The following PPRC1 variants were observed in gnomAD, a reference collection of about 807,000 sequenced individuals.
PPRC1 encodes the protein peroxisome proliferator-activated receptor gamma coactivator-related protein 1.
PPRC1 carries 23 observed loss-of-function variants against 132.5 expected under a neutral mutation model. The observed-to-expected ratio is 0.17, with a 90% CI of 0.12 to 0.25. PPRC1 has a LOEUF of 0.25. Among genes scored for constraint, PPRC1 ranks in the 10% least tolerant of loss-of-function variants. The probability of loss-of-function intolerance (pLI) is 1.00; values close to 1 mark genes in which losing one functional copy is unlikely to be tolerated. For missense variants in PPRC1, 2,006 were observed against 2,089.1 expected, an observed-to-expected ratio of 0.96 and a Z score of 0.78; for synonymous variants, 872 against 833.5, an observed-to-expected ratio of 1.05 and a Z score of -0.80.
At chr10:102,137,313 G>A (rs1163505470) in intron 1 of PPRC1, among the ~76,000 whole-genome samples, 2 of 152,322 alleles carry the variant, frequency 1.3e-5, no homozygotes, top group East Asian at 3.9e-4. Context: ...GGGGTGGGGT[G>A]TGATTACCAG....
At position 102,140,711 on chromosome 10, in the gene PPRC1, A is replaced by T. The variant is rs767151754; in HGVS notation, c.2203A>T (p.Ile735Phe). The change falls in exon 5 of 14, where the codon ATT becomes TTT. Residue 735 changes from isoleucine to phenylalanine, a missense_variant. Physicochemically the swap from Ile to Phe is conservative, Grantham distance 21 (BLOSUM62 0). Around this residue, in one of 2 missense-constraint regions of PPRC1, gnomAD observed 1,914 missense variants for 1,917.2 expected, o/e 1.00. Transcript: ENST00000278070. ...EVKEVVDSLKIESGTSATTHE... is the reference protein window; with the variant it reads ...EVKEVVDSLKFESGTSATTHE... The stretch of plus-strand genomic sequence containing the variant: ...CAAAGAGGTTGTGGATTCTCTGAAA[A>T]TTGAAAGTGGTACCAGTGCTACAAC... 6.4e-5 allele frequency: 104 copies of T among 1,613,914 alleles called. No individual in the cohort carries two copies. The highest frequency in any genetic ancestry group is 8.4e-5 in the Non-Finnish European group (99 of 1,180,004).
Position 102,148,520 on chromosome 10 carries a change from C to T in PPRC1, c.4549C>T (p.Arg1517Trp), listed in dbSNP as rs776378929. ...SPRRRSDRRR[R>W]YSSYRSHDHY... The stretch of plus-strand genomic sequence containing the variant: ...CCGCCGGAGAAGTGACAGGAGGCGG[C>T]GGTGAGCATGTGTTCAGGGAGCGCC... The change falls in exon 10 of 14, where the codon CGG becomes TGG. Residue 1517 changes from arginine (R) to tryptophan (W), a missense_variant and splice_region_variant. Arg to Trp is a moderately radical substitution (Grantham distance 101). This residue lies in a region of PPRC1 where 1,914 missense variants were observed against 1,917.2 expected (regional missense o/e 1.00). Coordinates refer to ENST00000278070, the MANE Select transcript of PPRC1 (RefSeq NM_015062.5). This position sits in a 1 kb window ranked among gnomAD's most constrained non-coding sequence, Gnocchi z 4.2. 1.2e-5 allele frequency: 20 copies of T among 1,612,962 alleles called. No individual in the cohort carries two copies. The highest frequency in any genetic ancestry group is 1.4e-5 in the Non-Finnish European group (17 of 1,179,032).
intron 6 of PPRC1, 65 bp from the exon 7 acceptor site, chr10:102,144,185 C>T (rs2069119466): frequency 1.5e-5 from 22 of 1,516,696 alleles, no homozygotes; most frequent in Non-Finnish European, 2.0e-5. Context: ...TCAAAGCAAG[C>T]CCTTCTGTGC....
At chr10:102,135,775 T>C (rs772362809) in intron 1 of PPRC1, among the ~76,000 whole-genome samples, 2 of 152,202 alleles carry the variant, frequency 1.3e-5, no homozygotes, top group African/African-American at 4.8e-5. Context: ...CAGATACATA[T>C]TTAAAAAGTT....
At position 102,148,672 on chromosome 10, in the gene PPRC1, T is replaced by A. The variant is rs762282128; in HGVS notation, c.4595T>A (p.Val1532Glu). ...RSHDHYQRQR[V>E]LQKERAIEER... ...CATGACCATTACCAAAGGCAAAGAGTGCTACAAAAGGAGCGTGCAATAGTG... is the reference window on the plus strand; with the variant it reads ...CATGACCATTACCAAAGGCAAAGAGAGCTACAAAAGGAGCGTGCAATAGTG... The change falls in exon 11 of 14, where the codon GTG (valine) becomes GAG (glutamate). Residue 1532 changes from valine (V) to glutamate (E), a missense_variant. Val to Glu is a moderately radical substitution (Grantham distance 121). Coordinates refer to ENST00000278070, the MANE Select transcript of PPRC1 (RefSeq NM_015062.5). The surrounding 1 kb of genome is among the most constrained non-coding windows in gnomAD (Gnocchi z 4.2). The A allele has an allele frequency of 1.2e-6, 2 of 1,614,050 alleles. No homozygotes were observed. The highest frequency in any genetic ancestry group is 1.7e-6 in the Non-Finnish European group (2 of 1,180,020).
chr10:102,143,160 C>T, intron 6 of PPRC1, 62 bp downstream of exon 6: 1 of 1,506,046 alleles, frequency 6.6e-7, no homozygotes, highest in African/African-American at 1.4e-5. Flanking sequence ...TTGGGCCCAG[C>T]CCTGTAGTTG....
rs753406808 is a variant in PPRC1, at chr10:102,141,327, C to A, written c.2819C>A (p.Pro940Gln). Residue 940 changes from proline to glutamine, a missense_variant, in exon 5 of 14, where the codon CCA becomes CAA. Transcript: ENST00000278070. ...SPSGYPCLPP[P>Q]PTVPLVSGTP... The stretch of plus-strand genomic sequence containing the variant: ...TCTGGCTATCCTTGCCTGCCCCCCC[C>A]ACCAACGGTGCCCCTAGTGTCTGGT... 1.3e-5 allele frequency: 21 copies of A among 1,613,974 alleles called. No homozygotes were observed. Among genetic ancestry groups the A allele is most frequent in the African/African-American group, 4.0e-5 (3 of 74,928 alleles).
Position 102,140,473 on chromosome 10 carries a change from A to G in PPRC1, c.1965A>G (p.Pro655=). 6.2e-7 allele frequency: 1 copy of G among 1,614,136 alleles called. No homozygotes were observed. Among genetic ancestry groups the G allele is most frequent in the Non-Finnish European group, 8.5e-7 (1 of 1,180,012 alleles). The change falls in exon 5 of 14, where the codon CCA becomes CCG. Residue 655 remains proline, a synonymous_variant. Transcript: ENST00000278070. ...AVVPISDNLP[P]VDAVPSGPAP... ...TTCCCATCTCAGATAACTTGCCACCAGTTGATGCTGTCCCGTCTGGCCCAG... is the reference window on the plus strand; with the variant it reads ...TTCCCATCTCAGATAACTTGCCACCGGTTGATGCTGTCCCGTCTGGCCCAG...
chr10:102,140,464 C>T lies in PPRC1; in HGVS notation c.1956C>T (p.Asn652=), dbSNP rs772294323. The change falls in exon 5 of 14, where the codon AAC becomes AAT. Residue 652 remains asparagine (N), a synonymous_variant. Transcript: ENST00000278070. ...CTGCAGTGGTTCCCATCTCAGATAA[C>T]TTGCCACCAGTTGATGCTGTCCCGT... is the stretch of plus-strand genomic sequence containing the variant. ...VDPAVVPISD[N]LPPVDAVPSG... 3 of 1,614,070 alleles carry T rather than the reference C, an allele frequency of 1.9e-6. No homozygotes were observed. The highest frequency in any genetic ancestry group is 1.1e-5 in the South Asian group (1 of 91,090).
In PPRC1 at chr10:102,147,176, C is replaced by A. The variant is rs547220654; in HGVS notation, c.4184C>A (p.Pro1395His). 4.3e-6 allele frequency: 7 copies of A among 1,614,140 alleles called. No individual in the cohort carries two copies. The South Asian group carries it at 6.6e-5, about 15-fold the overall frequency. Reference sequence around the variant, plus strand: ...ATGAACACTAGGACTCCCCCTGAACCCTCAGCCAAGCAGCGGTCAATGCGC... The same window carrying A: ...ATGAACACTAGGACTCCCCCTGAACACTCAGCCAAGCAGCGGTCAATGCGC... ...NDMNTRTPPE[P>H]SAKQRSMRCY... The change falls in exon 9 of 14, where the codon CCC becomes CAC. Residue 1395 changes from proline (P) to histidine (H), a missense_variant. By Grantham distance (77) the Pro-to-His change is moderately conservative. Around this residue, in one of 2 missense-constraint regions of PPRC1, gnomAD observed 1,914 missense variants for 1,917.2 expected, o/e 1.00. Transcript: ENST00000278070.
At chr10:102,121,180 C>T in the PPRC1 span, among the ~76,000 whole-genome samples, 3 of 152,124 alleles carry the variant, frequency 2.0e-5, no homozygotes, top group South Asian at 6.2e-4. Flanking sequence ...GATTGGATTA[C>T]GGAGGGGCGA....
chr10:102,120,459 G>A, the PPRC1 span: 2 of 923,566 alleles, frequency 2.2e-6, no homozygotes, highest in East Asian at 1.2e-4. Context: ...CCTCGCGCTC[G>A]CGCTCCCTCG....
At chr10:102,144,914 C>A in intron 7 of PPRC1, 106 bp from the exon 8 acceptor site, 1 of 909,336 alleles carries the variant, frequency 1.1e-6, no homozygotes, top group Non-Finnish European at 1.7e-6. Flanking sequence ...TTTGTGCATC[C>A]CATTCTTCTC....
rs200060696 is a variant in PPRC1 at position 102,141,845 on chromosome 10, C to G, written c.3337C>G (p.Pro1113Ala). 19 of 1,614,016 alleles carry G rather than the reference C, an allele frequency of 1.2e-5. No homozygotes were observed. In the East Asian group the frequency reaches 4.2e-4, roughly 36 times the overall value. The part of the protein sequence containing the change: ...ETQETRPREK[P>A]PLPATKAVPT... ...CCAAGAGACCAGGCCCAGGGAGAAG[C>G]CCCCCTTGCCTGCTACCAAGGCTGT... is the stretch of plus-strand genomic sequence containing the variant. The change falls in exon 5 of 14, where the codon CCC becomes GCC. Residue 1113 changes from proline to alanine, a missense_variant. By Grantham distance (27) the Pro-to-Ala change is conservative. Transcript: ENST00000278070.
the PPRC1 span, among the ~76,000 whole-genome samples, chr10:102,123,586 G>C: frequency 1.3e-5 from 2 of 152,064 alleles, no homozygotes; most frequent in African/African-American, 4.8e-5. Flanking sequence ...GGAGTGCAGT[G>C]GTGCAATCTC....
At chr10:102,135,362 A>G (rs2068684088) in intron 1 of PPRC1, among the ~76,000 whole-genome samples, 1 of 152,022 alleles carries the variant, frequency 6.6e-6, no homozygotes, top group Non-Finnish European at 1.5e-5. Flanking sequence ...TGTAAGCTAT[A>G]TATATATATA....
Position 102,148,673 on chromosome 10 carries a change from G to C in PPRC1, c.4596G>C (p.Val1532=). 6.2e-7 allele frequency: 1 copy of C among 1,614,166 alleles called. No homozygotes were observed. Among genetic ancestry groups the C allele is most frequent in the South Asian group, 1.1e-5 (1 of 91,084 alleles). ...RSHDHYQRQR[V]LQKERAIEER... The stretch of plus-strand genomic sequence containing the variant: ...ATGACCATTACCAAAGGCAAAGAGT[G>C]CTACAAAAGGAGCGTGCAATAGTGA... The change falls in exon 11 of 14, where the codon GTG becomes GTC. Residue 1532 remains valine (V), a synonymous_variant. Coordinates refer to ENST00000278070, the MANE Select transcript of PPRC1 (RefSeq NM_015062.5). The surrounding 1 kb of genome is among the most constrained non-coding windows in gnomAD (Gnocchi z 4.2).
chr10:102,127,842 G>A, the PPRC1 span, among the ~76,000 whole-genome samples: 1 of 151,836 alleles, frequency 6.6e-6, no homozygotes, highest in Non-Finnish European at 1.5e-5. Context: ...GTGAGCCACC[G>A]AGCCCAGCCT....
chr10:102,148,547 T>G lies in PPRC1; in HGVS notation c.4550+26T>G. 6.2e-7 allele frequency: 1 copy of G among 1,611,758 alleles called. No individual in the cohort carries two copies. The highest frequency in any genetic ancestry group is 1.7e-5 in the Admixed American group (1 of 60,028). The stretch of plus-strand genomic sequence containing the variant: ...GTGAGCATGTGTTCAGGGAGCGCCA[T>G]GCACCTGGGATGCAGGTGCCTAAGA... On this transcript the variant is annotated intron_variant, in intron 10 of 13. Coordinates refer to ENST00000278070, the MANE Select transcript of PPRC1 (RefSeq NM_015062.5). This position sits in a 1 kb window ranked among gnomAD's most constrained non-coding sequence, Gnocchi z 4.2.
Sources: allele counts gnomAD v4.1 joint callset (sites outside exome capture counted in the v4.1 genomes callset), GRCh38; gene constraint gnomAD v4.1.1; regional missense constraint gnomAD v4.1.1; non-coding constraint Gnocchi (gnomAD v3.1); transcripts MANE v1.5; gene names NCBI Gene and HGNC (gene_info 2026-07-23, HGNC 2026-07-21).